The following KIAA1671 variants were observed in gnomAD, a reference collection of about 807,000 sequenced individuals.
KIAA1671 encodes uncharacterized protein KIAA1671.
A neutral mutation model predicts 131.2 loss-of-function variants in KIAA1671; 52 were observed. The ratio of observed to expected loss-of-function variants is 0.40; its 90% CI spans 0.32 to 0.50. The LOEUF is 0.50. Ranked by LOEUF, KIAA1671 falls within the 20% of genes least tolerant of loss-of-function variation. The probability of loss-of-function intolerance (pLI) is 0.73; values close to 1 mark genes in which losing one functional copy is unlikely to be tolerated. For synonymous variants in KIAA1671, 1,003 were observed against 961.6 expected, an observed-to-expected ratio of 1.04 and a Z score of -0.80; for missense variants, 2,360 against 2,364.2, an observed-to-expected ratio of 1.00 and a Z score of 0.04.
At chr22:25,006,405 C>T (rs1330619370) in intron 1 of KIAA1671, among the ~76,000 whole-genome samples, 1 of 152,148 alleles carries the variant, frequency 6.6e-6, no homozygotes, top group African/African-American at 2.4e-5. Context: ...GGACCTACCT[C>T]CCAGGATTTG....
intron 6 of KIAA1671, among the ~76,000 whole-genome samples, chr22:25,087,850 G>A (rs1929813752): frequency 6.6e-6 from 1 of 152,184 alleles, no homozygotes; most frequent in African/African-American, 2.4e-5. Flanking sequence ...AGGGGGCTGT[G>A]AGCCATAGCA....
At chr22:24,983,230 A>G (rs1401254028) in intron 1 of KIAA1671, among the ~76,000 whole-genome samples, 4 of 152,182 alleles carry the variant, frequency 2.6e-5, no homozygotes, top group Non-Finnish European at 5.9e-5. Context: ...GGTGGTTTCA[A>G]AACAACAGCA....
At chr22:25,044,395 A>G in intron 5 of KIAA1671, among the ~76,000 whole-genome samples, 1 of 152,098 alleles carries the variant, frequency 6.6e-6, no homozygotes, top group East Asian at 1.9e-4. Context: ...TGCGACACTT[A>G]TGTTTGCCAG....
chr22:25,017,243 C>A (rs1464515148), intron 1 of KIAA1671, among the ~76,000 whole-genome samples: 1 of 152,128 alleles, frequency 6.6e-6, no homozygotes, highest in Non-Finnish European at 1.5e-5. Context: ...GTTAGCTGGG[C>A]CTGGTGGCAG....
intron 6 of KIAA1671, among the ~76,000 whole-genome samples, chr22:25,107,907 C>G (rs1931106819): frequency 6.6e-6 from 1 of 152,046 alleles, no homozygotes; most frequent in African/African-American, 2.4e-5. Context: ...ACTCGGGAGG[C>G]TGAAGCAGGA....
chr22:24,977,661 G>A (rs907543675), intron 1 of KIAA1671, among the ~76,000 whole-genome samples: 6 of 152,222 alleles, frequency 3.9e-5, no homozygotes, highest in Admixed American at 3.3e-4. Flanking sequence ...GATTCCCAGG[G>A]TTGGGGGTTG....
Position 24,992,301 on chromosome 22 carries a change from A to G in KIAA1671, c.-207-33332A>G, listed in dbSNP as rs924862051. Reference sequence around the variant, plus strand: ...TTTCAGGGTTCACATGGTGACTGGTAGGCTCCGGGCTTTTACTGGGGGACA... The same window carrying G: ...TTTCAGGGTTCACATGGTGACTGGTGGGCTCCGGGCTTTTACTGGGGGACA... On this transcript the variant is annotated intron_variant, in intron 1 of 12. Coordinates refer to ENST00000358431, the MANE Select transcript of KIAA1671 (RefSeq NM_001145206.2). Among the ~76,000 whole-genome samples the G allele has an allele frequency of 2.0e-5, 3 of 152,128 alleles. No homozygotes were observed. The South Asian group carries it at 6.2e-4, about 32-fold the overall frequency.
chr22:24,998,774 G>A (rs5996807), intron 1 of KIAA1671, among the ~76,000 whole-genome samples: 30,150 of 148,492 alleles, frequency 0.2, 3,225 homozygotes, highest in East Asian at 0.45. Flanking sequence ...ATCACCTATT[G>A]TAAAGTTTAA....
intron 6 of KIAA1671, among the ~76,000 whole-genome samples, chr22:25,087,770 G>C (rs969413487): frequency 6.6e-6 from 1 of 152,220 alleles, no homozygotes; most frequent in Non-Finnish European, 1.5e-5. Flanking sequence ...CGGGTGAACA[G>C]CATCACAAAA....
At chr22:24,993,887 T>C (rs1465548100) in intron 1 of KIAA1671, among the ~76,000 whole-genome samples, 1 of 152,094 alleles carries the variant, frequency 6.6e-6, no homozygotes, top group African/African-American at 2.4e-5. Flanking sequence ...GAGACCAGCC[T>C]GGCCAACATG....
At chr22:24,980,359 C>T (rs1003991720) in intron 1 of KIAA1671, among the ~76,000 whole-genome samples, 3 of 151,170 alleles carry the variant, frequency 2.0e-5, no homozygotes, top group Admixed American at 6.6e-5. Flanking sequence ...GCAACCTCCA[C>T]CTCCCGGATT....
chr22:24,996,957 C>T (rs1187366414), intron 1 of KIAA1671, among the ~76,000 whole-genome samples: 1 of 152,142 alleles, frequency 6.6e-6, no homozygotes, highest in Non-Finnish European at 1.5e-5. Flanking sequence ...GCTGTGTGAC[C>T]TTAGGCAAGC....
chr22:25,050,044 C>T (rs1193114665), intron 6 of KIAA1671: 1 of 152,286 alleles, frequency 6.6e-6, no homozygotes, highest in Non-Finnish European at 1.5e-5. Context: ...GCTTAGCATG[C>T]TTCTGGGTAC....
intron 5 of KIAA1671, among the ~76,000 whole-genome samples, chr22:25,047,826 G>A (rs1927332610): frequency 2.0e-5 from 3 of 152,192 alleles, no homozygotes; most frequent in African/African-American, 7.2e-5. Context: ...TTTTGAAGAA[G>A]TCTATTTTAT....
intron 6 of KIAA1671, among the ~76,000 whole-genome samples, chr22:25,160,896 G>A (rs774912870): frequency 7.2e-5 from 11 of 152,158 alleles, no homozygotes; most frequent in African/African-American, 1.4e-4. Context: ...TGGTCTGCCC[G>A]GAAGCCCATC....
In KIAA1671 at chr22:25,067,709, G is replaced by A. The variant is rs184912031; in HGVS notation, c.4530+18345G>A. 3.5e-4 allele frequency among the ~76,000 whole-genome samples: 54 copies of A among 152,162 alleles called. No individual in the cohort carries two copies. In the East Asian group the frequency reaches 7.4e-3, roughly 21 times the overall value. ...GCCTCCTTCCAGCCCCTTTCTCTCC[G>A]GGCATTTCTCTGTCCTGGGCTGATA... On this transcript the variant is annotated intron_variant, in intron 6 of 12. Transcript: ENST00000358431.
Position 25,089,494 on chromosome 22 carries a change from G to A in KIAA1671, c.4530+40130G>A, listed in dbSNP as rs1435652776. Among the ~76,000 whole-genome samples, 5 of 151,732 alleles carry A rather than the reference G, an allele frequency of 3.3e-5. 1 individual carries two copies. In the East Asian group the frequency reaches 5.8e-4, roughly 18 times the overall value. On this transcript the variant is annotated intron_variant, in intron 6 of 12. Transcript: ENST00000358431. ...TATCCATGTTGGTCAGGTTGGTTTC[G>A]AACTCCCAACCTCAGGTGATCCACC...
At chr22:25,070,058 C>T in intron 6 of KIAA1671, 1 of 307,014 alleles carries the variant, frequency 3.3e-6, no homozygotes, top group Admixed American at 5.0e-5. Flanking sequence ...GTGCCTACGG[C>T]TCCCGGGAGG....
intron 10 of KIAA1671, 142 bp from the exon 11 acceptor site, chr22:25,184,835 C>A: frequency 1.2e-6 from 1 of 866,894 alleles, no homozygotes; most frequent in East Asian, 2.6e-5. Context: ...TTTCTCAGCC[C>A]CCATGTTTCC....
Sources: allele counts gnomAD v4.1 joint callset (sites outside exome capture counted in the v4.1 genomes callset), GRCh38; gene constraint gnomAD v4.1.1; transcripts MANE v1.5; gene names NCBI Gene and HGNC (gene_info 2026-07-23, HGNC 2026-07-21).